Variants in EBF3 observed in about 807,000 individuals in gnomAD.
EBF3 encodes the protein transcription factor COE3.
EBF3 carries 18 observed loss-of-function variants against 77.1 expected under a neutral mutation model. That is an observed-to-expected ratio of 0.23 (90% CI 0.16 to 0.35). The LOEUF is 0.35. EBF3 is among the 10% of genes least tolerant of loss of function. The pLI is 1.00. For synonymous variants in EBF3, 350 were observed against 343.5 expected, an observed-to-expected ratio of 1.02 and a Z score of -0.21; for missense variants, 558 against 860.0, an observed-to-expected ratio of 0.65 and a Z score of 4.39.
At chr10:129,847,165 C>T (rs188007833) in intron 11 of EBF3, among the ~76,000 whole-genome samples, 83 of 152,230 alleles carry the variant, frequency 5.5e-4, no homozygotes, top group African/African-American at 1.9e-3. Context: ...CCCCCGAGAG[C>T]GCAGCTGCTG....
At chr10:129,956,160 A>G (rs1005528981) in intron 6 of EBF3, among the ~76,000 whole-genome samples, 1 of 152,200 alleles carries the variant, frequency 6.6e-6, no homozygotes, top group African/African-American at 2.4e-5. Context: ...AAACATTAGC[A>G]TTGCTCTCCA....
chr10:129,925,059 A>C lies in EBF3; in HGVS notation c.554+32199T>G, dbSNP rs528090607. Among the ~76,000 whole-genome samples, 653 of 148,770 alleles carry C rather than the reference A, an allele frequency of 4.4e-3. 6 individuals carry two copies. Among genetic ancestry groups the C allele is most frequent in the South Asian group, 0.024 (110 of 4,612 alleles). ...GTATCCATCAATGGGTGAATGGATAAGCAAAATGTGGTGTGTGTGTGCACG... is the reference window on the plus strand; with the variant it reads ...GTATCCATCAATGGGTGAATGGATACGCAAAATGTGGTGTGTGTGTGCACG... On this transcript the variant is annotated intron_variant, in intron 6 of 16. Transcript: ENST00000440978.
At chr10:129,887,329 T>C (rs1002371568) in intron 6 of EBF3, among the ~76,000 whole-genome samples, 81 of 152,220 alleles carry the variant, frequency 5.3e-4, no homozygotes, top group African/African-American at 1.8e-3. Flanking sequence ...ATGTATAATA[T>C]ATGGCTCTAA....
intron 10 of EBF3, among the ~76,000 whole-genome samples, chr10:129,854,216 T>C (rs930410295): frequency 6.6e-6 from 1 of 152,140 alleles, no homozygotes; most frequent in Non-Finnish European, 1.5e-5. Context: ...TCCAAGTGCA[T>C]TTCATCTATA....
intron 7 of EBF3, among the ~76,000 whole-genome samples, chr10:129,875,371 C>G (rs1852700436): frequency 6.6e-6 from 1 of 151,748 alleles, no homozygotes; most frequent in Non-Finnish European, 1.5e-5. Flanking sequence ...AATTTTTTGG[C>G]ATTTGTAGTA....
rs556474264 is a variant in EBF3, at chr10:129,900,727, G to T, written c.555-22878C>A. Among the ~76,000 whole-genome samples the T allele has an allele frequency of 4.6e-5, 7 of 152,374 alleles. No homozygotes were observed. In the East Asian group the frequency reaches 1.2e-3, roughly 25 times the overall value. On this transcript the variant is annotated intron_variant, in intron 6 of 16. Coordinates refer to ENST00000440978, the MANE Select transcript of EBF3 (RefSeq NM_001375380.1). ...GCTTTGCCTGTGAGAGCACTCATGA[G>T]GAGCACCGTAGCGGGGGTGCTCCTG... is the stretch of plus-strand genomic sequence containing the variant.
At chr10:129,923,274 C>G (rs1856438265) in intron 6 of EBF3, among the ~76,000 whole-genome samples, 1 of 152,212 alleles carries the variant, frequency 6.6e-6, no homozygotes. Flanking sequence ...ATGCCCTCCT[C>G]AGGTCTAATT....
rs1037964820 is a variant in EBF3 at position 129,863,165 on chromosome 10, G to T, written c.1039+3976C>A. Among the ~76,000 whole-genome samples, 1 of 152,176 alleles carries T rather than the reference G, an allele frequency of 6.6e-6. No homozygotes were observed. Among genetic ancestry groups the T allele is most frequent in the Non-Finnish European group, 1.5e-5 (1 of 68,032 alleles). On this transcript the variant is annotated intron_variant, in intron 10 of 16. Coordinates refer to ENST00000440978, the MANE Select transcript of EBF3 (RefSeq NM_001375380.1). This position sits in a 1 kb window ranked among gnomAD's most constrained non-coding sequence, Gnocchi z 4.0. ...TTAATTCTGCTCCTAAGTGCTAGCC[G>T]CTTGAAAATTGTTCTCTCTCTCTAA...
intron 6 of EBF3, among the ~76,000 whole-genome samples, chr10:129,932,418 G>A (rs919140463): frequency 9.2e-5 from 14 of 152,190 alleles, no homozygotes; most frequent in South Asian, 4.1e-4. Context: ...AGCGGCCGCC[G>A]ATCTGAGAGT....
intron 6 of EBF3, among the ~76,000 whole-genome samples, chr10:129,941,574 G>C (rs1255865712): frequency 6.6e-6 from 1 of 152,078 alleles, no homozygotes; most frequent in African/African-American, 2.4e-5. Flanking sequence ...CAAAGGGTCA[G>C]GGGGGAGCCC....
intron 6 of EBF3, among the ~76,000 whole-genome samples, chr10:129,880,950 G>A (rs746995971): frequency 2.0e-5 from 3 of 152,210 alleles, no homozygotes; most frequent in Non-Finnish European, 2.9e-5. Flanking sequence ...TGAGCCACAC[G>A]ATTTCAGTGT....
chr10:129,909,647 A>C (rs1294324136), intron 6 of EBF3, among the ~76,000 whole-genome samples: 1 of 152,182 alleles, frequency 6.6e-6, no homozygotes, highest in Non-Finnish European at 1.5e-5. Context: ...AAGGTGGCCC[A>C]GTGAGGCTGG....
intron 6 of EBF3, among the ~76,000 whole-genome samples, chr10:129,954,440 G>C (rs1435659493): frequency 6.7e-6 from 1 of 149,338 alleles, no homozygotes; most frequent in Non-Finnish European, 1.5e-5. Flanking sequence ...TTCTCTGAAG[G>C]GTCTTCATGC....
rs967779059 is a variant in EBF3, at chr10:129,837,743, T to C, written c.*200A>G. ...TAAAATGGAATTGTTCATGAAGAAG[T>C]AGGCTGTTTGCATGTTGATTCTTAA... On this transcript the variant is annotated 3_prime_UTR_variant, in exon 17 of 17. Coordinates refer to ENST00000440978, the MANE Select transcript of EBF3 (RefSeq NM_001375380.1). 2.4e-5 allele frequency: 15 copies of C among 627,910 alleles called. No individual in the cohort carries two copies. The highest frequency in any genetic ancestry group is 1.2e-4 in the South Asian group (6 of 48,142). The allele number at this position is 627,910 out of a possible 1,614,324, so 38.9% of individuals were successfully genotyped here.
chr10:129,839,502 A>C (rs1849853650), intron 15 of EBF3, among the ~76,000 whole-genome samples: 1 of 152,156 alleles, frequency 6.6e-6, no homozygotes, highest in East Asian at 1.9e-4. Flanking sequence ...GTGTGGCCTC[A>C]TCTGTGGACA....
intron 6 of EBF3, among the ~76,000 whole-genome samples, chr10:129,896,919 C>G (rs996206303): frequency 2.0e-5 from 3 of 152,198 alleles, no homozygotes; most frequent in African/African-American, 7.2e-5. Context: ...CCCAGGCCTC[C>G]TCTTTATTGC....
chr10:129,914,014 G>T (rs1003469579), intron 6 of EBF3, among the ~76,000 whole-genome samples: 1 of 152,212 alleles, frequency 6.6e-6, no homozygotes, highest in African/African-American at 2.4e-5. Flanking sequence ...AGGCCTGGTG[G>T]TTCAAGAACA....
intron 7 of EBF3, among the ~76,000 whole-genome samples, chr10:129,874,737 G>A (rs560922515): frequency 1.3e-5 from 2 of 152,330 alleles, no homozygotes; most frequent in East Asian, 3.9e-4. Context: ...GTGGTTGCAC[G>A]TGAGTGGAGA....
chr10:129,835,273 T>G lies in EBF3; in HGVS notation c.*2670A>C, dbSNP rs915945289. The G allele has an allele frequency of 6.6e-6, 1 of 152,624 alleles. No homozygotes were observed. Among genetic ancestry groups the G allele is most frequent in the Non-Finnish European group, 1.5e-5 (1 of 68,040 alleles). 9.5% of individuals were successfully genotyped at this position (152,624 alleles called of 1,614,324 possible). A position where few individuals can be genotyped will look rare whatever the true frequency, so the allele number is the denominator to read the frequency against. On this transcript the variant is annotated 3_prime_UTR_variant, in exon 17 of 17. Transcript: ENST00000440978. The stretch of plus-strand genomic sequence containing the variant: ...TTTAATAATCAAAAACAGAGAAAAT[T>G]ACCAAAAGTGAAATTCACAGACAAG...
Sources: allele counts gnomAD v4.1 joint callset (sites outside exome capture counted in the v4.1 genomes callset), GRCh38; gene constraint gnomAD v4.1.1; non-coding constraint Gnocchi (gnomAD v3.1); transcripts MANE v1.5; gene names NCBI Gene and HGNC (gene_info 2026-07-23, HGNC 2026-07-21).